Variants in ZNF606 observed in about 807,000 individuals in gnomAD.
ZNF606 encodes the protein zinc finger protein 606.
In ZNF606, 37 loss-of-function variants were observed where a neutral mutation model predicts 74.9. That is an observed-to-expected ratio of 0.49 (90% confidence interval 0.38 to 0.65). The LOEUF (loss-of-function observed/expected upper bound fraction) is 0.65, where lower values mean the gene tolerates loss of function less well. Among genes scored for constraint, ZNF606 ranks in the 30% least tolerant of loss-of-function variants. The probability of loss-of-function intolerance (pLI) is 0.00; values close to 1 mark genes in which losing one functional copy is unlikely to be tolerated. For synonymous variants in ZNF606, 328 were observed against 312.4 expected, an observed-to-expected ratio of 1.05 and a Z score of -0.53; for missense variants, 852 against 952.9, an observed-to-expected ratio of 0.89 and a Z score of 1.39.
Position 58,000,748 on chromosome 19 carries a change from A to G in ZNF606, c.32-9T>C, listed in dbSNP as rs965040485. On this transcript the variant is annotated splice_polypyrimidine_tract_variant and intron_variant, in intron 2 of 6. Coordinates refer to ENST00000551380, the MANE Select transcript of ZNF606 (RefSeq NM_001348022.3). ...TTGGTCCGTAAGGGCACCTGCACAGAAGGATCAGGTTAGGACTGTGACACC... is the reference window on the plus strand; with the variant it reads ...TTGGTCCGTAAGGGCACCTGCACAGGAGGATCAGGTTAGGACTGTGACACC... The G allele has an allele frequency of 9.4e-6, 15 of 1,593,808 alleles. No homozygotes were observed. In the East Asian group the frequency reaches 3.4e-4, roughly 36 times the overall value.
chr19:58,000,764 CTG>C (rs2073413805), intron 2 of ZNF606, 25 bp from the exon 3 acceptor site: 1 of 1,548,376 alleles, frequency 6.5e-7, no homozygotes. Context: ...CAGGTTAGGA[CTG>C]TGACACCAAA....
upstream of ZNF606, chr19:58,002,881 C>T (rs1326134771): frequency 2.3e-6 from 1 of 432,054 alleles, no homozygotes; most frequent in Non-Finnish European, 4.6e-6. Context: ...CGGCGTCGGG[C>T]AGCGGCGCCG....
intron 4 of ZNF606, among the ~76,000 whole-genome samples, chr19:57,994,516 T>G (rs534425919): frequency 1.3e-5 from 2 of 152,258 alleles, no homozygotes; most frequent in South Asian, 2.1e-4. Context: ...CACCACCAGT[T>G]AAGACAAGCT....
At chr19:57,987,626 G>A (rs1600219707) in intron 6 of ZNF606, among the ~76,000 whole-genome samples, 1 of 152,034 alleles carries the variant, frequency 6.6e-6, no homozygotes, top group Non-Finnish European at 1.5e-5. Context: ...TCAGGAGTTC[G>A]AGACCAGCCC....
chr19:58,000,041 G>A lies in ZNF606; in HGVS notation c.89-145C>T, dbSNP rs1250166439. Reference sequence around the variant, plus strand: ...CCTCATTCTATAGATGAAGGAATTAGGGCTCAGAGAAGGTTAGGAAAGTAC... The same window carrying A: ...CCTCATTCTATAGATGAAGGAATTAAGGCTCAGAGAAGGTTAGGAAAGTAC... On this transcript the variant is annotated intron_variant, in intron 3 of 6. Transcript: ENST00000551380. The A allele has an allele frequency of 4.4e-6, 3 of 685,630 alleles. No homozygotes were observed. The East Asian group carries it at 8.2e-5, about 19-fold the overall frequency. The allele number at this position is 685,630 out of a possible 1,614,324, so 42.5% of individuals were successfully genotyped here. A position where few individuals can be genotyped will look rare whatever the true frequency, so the allele number is the denominator to read the frequency against.
At chr19:57,985,687 G>A (rs1568576509) in intron 6 of ZNF606, among the ~76,000 whole-genome samples, 2 of 152,048 alleles carry the variant, frequency 1.3e-5, no homozygotes, top group Admixed American at 6.6e-5. Flanking sequence ...CCAGCACTTT[G>A]GGAGGGCGAG....
intron 4 of ZNF606, among the ~76,000 whole-genome samples, chr19:57,990,707 A>G (rs2073245486): frequency 6.6e-6 from 1 of 151,790 alleles, no homozygotes; most frequent in Admixed American, 6.6e-5. Flanking sequence ...CCTCTTAGTC[A>G]CAGCTTATGA....
chr19:57,984,232 A>T (rs2073132027), intron 6 of ZNF606, among the ~76,000 whole-genome samples: 1 of 152,240 alleles, frequency 6.6e-6, no homozygotes, highest in African/African-American at 2.4e-5. Context: ...GGAAGATGGG[A>T]GAACATCTAG....
intron 3 of ZNF606, 50 bp from the exon 4 acceptor site, chr19:57,999,946 C>G (rs2073393582): frequency 6.4e-7 from 1 of 1,574,066 alleles, no homozygotes; most frequent in Non-Finnish European, 8.7e-7. Flanking sequence ...GCCAGGAGCT[C>G]ACCTTTTCTT....
chr19:57,994,040 G>A (rs921201508), intron 4 of ZNF606, among the ~76,000 whole-genome samples: 1 of 152,196 alleles, frequency 6.6e-6, no homozygotes, highest in African/African-American at 2.4e-5. Flanking sequence ...CAAGGCCAGA[G>A]AATCCAGACA....
At position 58,002,424 on chromosome 19, in the gene ZNF606, A is replaced by C; in HGVS notation, c.-80T>G. ...GCTCGCGGCCGGCGGTCCCCCTTGA[A>C]GGCGGCGCAGCAGGATCGGGGTCTG... On this transcript the variant is annotated 5_prime_UTR_variant, in exon 1 of 7. Transcript: ENST00000551380. 1 of 456,070 alleles carries C rather than the reference A, an allele frequency of 2.2e-6. No homozygotes were observed. The highest frequency in any genetic ancestry group is 4.4e-6 in the Non-Finnish European group (1 of 226,638). 28.3% of individuals were successfully genotyped at this position (456,070 alleles called of 1,614,324 possible).
rs577734013 is a variant in ZNF606 at position 58,002,270 on chromosome 19, C to G, written c.-52+126G>C. The stretch of plus-strand genomic sequence containing the variant: ...GGAGAAACGACGGCTGGGGAACGAA[C>G]GGGGTTATTCGTCCCATCAATGGCC... On this transcript the variant is annotated intron_variant, in intron 1 of 6. Coordinates refer to ENST00000551380, the MANE Select transcript of ZNF606 (RefSeq NM_001348022.3). 5 of 456,710 alleles carry G rather than the reference C, an allele frequency of 1.1e-5. No individual in the cohort carries two copies. The Admixed American group carries it at 1.2e-4, about 11-fold the overall frequency. 28.3% of individuals were successfully genotyped at this position (456,710 alleles called of 1,614,324 possible).
At chr19:57,994,185 A>C (rs2073301870) in intron 4 of ZNF606, among the ~76,000 whole-genome samples, 1 of 152,194 alleles carries the variant, frequency 6.6e-6, no homozygotes, top group Non-Finnish European at 1.5e-5. Flanking sequence ...AGACTAAGAA[A>C]AGAACAGAAG....
chr19:57,986,776 G>A (rs1029893809), intron 6 of ZNF606, among the ~76,000 whole-genome samples: 6 of 152,134 alleles, frequency 3.9e-5, no homozygotes, highest in Admixed American at 3.9e-4. Flanking sequence ...AAACTACATT[G>A]TCATAAATTA....
In ZNF606 at chr19:57,990,051, C is replaced by CAA. The variant is rs1159494660; in HGVS notation, c.178-1332_178-1331dup. ...TGGATGACAGAGCGAGACTCCATCTCAAAAAAAAAAAAAAAAAAAAAAAAA... is the reference window on the plus strand; with the variant it reads ...TGGATGACAGAGCGAGACTCCATCTCAAAAAAAAAAAAAAAAAAAAAAAAAAA... On this transcript the variant is annotated intron_variant, in intron 4 of 6. Coordinates refer to ENST00000551380, the MANE Select transcript of ZNF606 (RefSeq NM_001348022.3). 3.3e-3 allele frequency among the ~76,000 whole-genome samples: 45 copies of CAA among 13,840 alleles called. 8 individuals carry two copies. The highest frequency in any genetic ancestry group is 0.01 in the Admixed American group (7 of 678). The allele number at this position is 13,840 out of a possible 152,430, so 9.1% of individuals were successfully genotyped here.
At chr19:58,003,036 A>G (rs1204511956), upstream of ZNF606, 2 of 431,578 alleles carry the variant, frequency 4.6e-6, no homozygotes, top group Non-Finnish European at 4.7e-6. Context: ...TCCCACTGCA[A>G]AAAGGCCTGG....
chr19:58,000,889 T>G, intron 2 of ZNF606, 150 bp from the exon 3 acceptor site: 1 of 676,124 alleles, frequency 1.5e-6, no homozygotes, highest in Admixed American at 3.3e-5. Context: ...ATAAGCTGGA[T>G]TCACACAGGC....
In ZNF606 at chr19:57,986,187, T is replaced by C. The variant is rs530350541; in HGVS notation, c.400+2020A>G. On this transcript the variant is annotated intron_variant, in intron 6 of 6. Coordinates refer to ENST00000551380, the MANE Select transcript of ZNF606 (RefSeq NM_001348022.3). ...CGCCACAGTTCACTGTTAGCAAACCTGTCCGACAGGAAATGCTGGCTGGGG... is the reference window on the plus strand; with the variant it reads ...CGCCACAGTTCACTGTTAGCAAACCCGTCCGACAGGAAATGCTGGCTGGGG... Among the ~76,000 whole-genome samples the C allele has an allele frequency of 2.1e-3, 316 of 152,006 alleles. 5 individuals are homozygous for C. Among genetic ancestry groups the C allele is most frequent in the Middle Eastern group, 3.4e-3 (1 of 294 alleles).
intron 4 of ZNF606, among the ~76,000 whole-genome samples, chr19:57,996,092 G>A (rs1157207503): frequency 1.3e-5 from 2 of 152,072 alleles, no homozygotes; most frequent in South Asian, 2.1e-4. Flanking sequence ...AATGAAAAAG[G>A]GGACATTTTC....
Sources: allele counts gnomAD v4.1 joint callset (sites outside exome capture counted in the v4.1 genomes callset), GRCh38; gene constraint gnomAD v4.1.1; transcripts MANE v1.5; gene names NCBI Gene and HGNC (gene_info 2026-07-23, HGNC 2026-07-21).